Variants in PPTC7 observed in about 807,000 individuals in gnomAD.
The protein encoded by PPTC7 is protein phosphatase PTC7 homolog.
PPTC7 carries 6 observed loss-of-function variants against 30.8 expected under a neutral mutation model. The observed-to-expected ratio is 0.19, with a 90% CI of 0.11 to 0.38. The LOEUF is 0.38. Among genes scored for constraint, PPTC7 ranks in the 10% least tolerant of loss-of-function variants. PPTC7 has a pLI of 1.00. For missense variants in PPTC7, 218 were observed against 404.8 expected, an observed-to-expected ratio of 0.54 and a Z score of 3.96; for synonymous variants, 163 against 168.1, an observed-to-expected ratio of 0.97 and a Z score of 0.23.
At position 110,536,997 on chromosome 12, in the gene PPTC7, T is replaced by C; in HGVS notation, c.*40A>G. 1 of 1,528,364 alleles carries C rather than the reference T, an allele frequency of 6.5e-7. No individual in the cohort carries two copies. Among genetic ancestry groups the C allele is most frequent in the Non-Finnish European group, 9.1e-7 (1 of 1,103,000 alleles). 94.7% of individuals were successfully genotyped at this position (1,528,364 alleles called of 1,614,324 possible). On this transcript the variant is annotated 3_prime_UTR_variant, in exon 6 of 6. Coordinates refer to ENST00000354300, the MANE Select transcript of PPTC7 (RefSeq NM_139283.2). ...GGATCAGCACACATGGCAGGGGAAA[T>C]TTGGGATGATGAAAGGAAAGGCAGG...
chr12:110,583,147 C>T lies in PPTC7; in HGVS notation c.-116G>A. The stretch of plus-strand genomic sequence containing the variant: ...GCCGCCGCTGGGGCGCTCCTCAGGG[C>T]GGCGCGCAGTGGCCGCCGCCGCCCC... On this transcript the variant is annotated 5_prime_UTR_variant, in exon 1 of 6. Transcript: ENST00000354300. 3 of 720,276 alleles carry T rather than the reference C, an allele frequency of 4.2e-6. No homozygotes were observed. The highest frequency in any genetic ancestry group is 3.7e-6 in the Non-Finnish European group (2 of 541,360). The allele number at this position is 720,276 out of a possible 1,614,324, so 44.6% of individuals were successfully genotyped here.
At chr12:110,546,395 G>T (rs1249314849) in intron 2 of PPTC7, 5 of 298,652 alleles carry the variant, frequency 1.7e-5, no homozygotes, top group African/African-American at 2.1e-5. Flanking sequence ...CAACAGTGCT[G>T]TCATCTATGC....
At chr12:110,538,393 C>T in intron 4 of PPTC7, 120 bp from the exon 5 acceptor site, 1 of 937,654 alleles carries the variant, frequency 1.1e-6, no homozygotes, top group Non-Finnish European at 1.6e-6. Context: ...AACATCATGC[C>T]CTGGCTAATA....
intron 3 of PPTC7, 92 bp from the exon 4 acceptor site, chr12:110,540,037 G>C (rs964968485): frequency 8.8e-7 from 1 of 1,138,402 alleles, no homozygotes; most frequent in Non-Finnish European, 1.2e-6. Flanking sequence ...AATGTAATAA[G>C]CTTTCTGCAA....
chr12:110,577,611 A>C (rs566971928), intron 1 of PPTC7, among the ~76,000 whole-genome samples: 1 of 152,328 alleles, frequency 6.6e-6, no homozygotes, highest in South Asian at 2.1e-4. Flanking sequence ...AACTACTTTT[A>C]AGACTGACAT....
At chr12:110,577,096 G>A (rs2064595594) in intron 1 of PPTC7, among the ~76,000 whole-genome samples, 1 of 150,824 alleles carries the variant, frequency 6.6e-6, no homozygotes, top group Admixed American at 6.6e-5. Context: ...GAACCCAGGA[G>A]GCAGAGGTTG....
rs564791505 is a variant in PPTC7 at position 110,545,903 on chromosome 12, G to A, written c.579C>T (p.Ala193=). The change falls in exon 3 of 6, where the codon GCC becomes GCT. Residue 193 remains alanine, a synonymous_variant. Coordinates refer to ENST00000354300, the MANE Select transcript of PPTC7 (RefSeq NM_139283.2). ...PFQLSIAPPE[A]EGVVLSDSPD... ...ACCTGTCGCTCAAGACGACTCCCTCGGCTTCAGGGGGAGCGATTGAGAGCT... is the reference window on the plus strand; with the variant it reads ...ACCTGTCGCTCAAGACGACTCCCTCAGCTTCAGGGGGAGCGATTGAGAGCT... The A allele has an allele frequency of 1.1e-5, 18 of 1,613,740 alleles. No individual in the cohort carries two copies. Among genetic ancestry groups the A allele is most frequent in the South Asian group, 4.4e-5 (4 of 91,056 alleles).
chr12:110,560,912 A>G (rs1190920392), intron 1 of PPTC7, among the ~76,000 whole-genome samples: 4 of 152,230 alleles, frequency 2.6e-5, no homozygotes, highest in Non-Finnish European at 5.9e-5. Context: ...TCTTTCCATC[A>G]GTGAAACACA....
intron 3 of PPTC7, among the ~76,000 whole-genome samples, chr12:110,540,858 C>T (rs2135760040): frequency 6.6e-6 from 1 of 151,674 alleles, no homozygotes; most frequent in African/African-American, 2.4e-5. Flanking sequence ...TCACTGCGAG[C>T]TCCGCTTCCT....
At chr12:110,546,492 A>G (rs1387914320) in intron 2 of PPTC7, 1 of 185,714 alleles carries the variant, frequency 5.4e-6, no homozygotes, top group African/African-American at 2.4e-5. Context: ...GACATTTCTT[A>G]TTAGTCATTG....
chr12:110,583,044 C>G lies in PPTC7; in HGVS notation c.-13G>C. On this transcript the variant is annotated 5_prime_UTR_variant, in exon 1 of 6. Transcript: ENST00000354300. ...GGACCGAGAACATCGCCGCCGCCGC[C>G]CCCCCGAGGAGGCGGGGGGCCGGGG... is the stretch of plus-strand genomic sequence containing the variant. 3.6e-6 allele frequency: 5 copies of G among 1,387,468 alleles called. No individual in the cohort carries two copies. The South Asian group carries it at 6.6e-5, about 18-fold the overall frequency. The allele number at this position is 1,387,468 out of a possible 1,614,324, so 85.9% of individuals were successfully genotyped here.
In PPTC7 at chr12:110,536,311, T is replaced by C. The variant is rs916676871; in HGVS notation, c.*726A>G. 1 of 152,228 alleles carries C rather than the reference T, an allele frequency of 6.6e-6. No individual in the cohort carries two copies. Among genetic ancestry groups the C allele is most frequent in the Admixed American group, 6.5e-5 (1 of 15,284 alleles). The allele number at this position is 152,228 out of a possible 1,614,324, so 9.4% of individuals were successfully genotyped here. On this transcript the variant is annotated 3_prime_UTR_variant, in exon 6 of 6. Transcript: ENST00000354300. ...GTGTCTCCCCTACCCCTCCTGGAGA[T>C]CAGGCCTTAGCCTGTGATTTGGACT...
intron 3 of PPTC7, among the ~76,000 whole-genome samples, chr12:110,544,798 A>G (rs867450616): frequency 1.3e-5 from 2 of 152,000 alleles, no homozygotes; most frequent in Admixed American, 6.6e-5. Context: ...ATGCCATTGC[A>G]CTCCAGCCTG....
intron 1 of PPTC7, among the ~76,000 whole-genome samples, chr12:110,578,713 AAATT>A (rs1157778231): frequency 2.0e-5 from 3 of 152,380 alleles, no homozygotes; most frequent in Non-Finnish European, 2.9e-5. Context: ...AATTCAAAGA[AAATT>A]AATTATCTAC....
chr12:110,549,497 C>T (rs1214424852), intron 2 of PPTC7, among the ~76,000 whole-genome samples: 1 of 151,968 alleles, frequency 6.6e-6, no homozygotes, highest in Non-Finnish European at 1.5e-5. Flanking sequence ...AGTTTCATTA[C>T]AAACAGCCTA....
At chr12:110,574,525 G>T (rs1031452005) in intron 1 of PPTC7, among the ~76,000 whole-genome samples, 1 of 152,034 alleles carries the variant, frequency 6.6e-6, no homozygotes, top group Non-Finnish European at 1.5e-5. Flanking sequence ...TCCTGTTGGG[G>T]ATTTTTCCTG....
intron 1 of PPTC7, among the ~76,000 whole-genome samples, chr12:110,564,877 T>TACACGTTATATATATATACACGTA (rs1288351192): frequency 4.0e-5 from 6 of 149,606 alleles, no homozygotes; most frequent in African/African-American, 7.5e-5. Flanking sequence ...TATATATACA[T>TACACGTTATATATATATACACGTA]TGTTTTTTTT....
intron 1 of PPTC7, among the ~76,000 whole-genome samples, chr12:110,569,575 T>C (rs754853044): frequency 6.6e-6 from 1 of 152,130 alleles, no homozygotes. Context: ...GTGGGACTTA[T>C]AAGTCACACT....
chr12:110,559,140 C>T (rs1363535120), intron 1 of PPTC7, among the ~76,000 whole-genome samples: 1 of 152,136 alleles, frequency 6.6e-6, no homozygotes, highest in Non-Finnish European at 1.5e-5. Context: ...CCTCCCACTT[C>T]AGCCTCCAGA....
Sources: allele counts gnomAD v4.1 joint callset (sites outside exome capture counted in the v4.1 genomes callset), GRCh38; gene constraint gnomAD v4.1.1; transcripts MANE v1.5; gene names NCBI Gene and HGNC (gene_info 2026-07-23, HGNC 2026-07-21).